ZNF385D: variants seen among roughly 807,000 people sequenced by gnomAD.
ZNF385D encodes zinc finger protein 385D.
A neutral mutation model predicts 35.8 loss-of-function variants in ZNF385D; 15 were observed. The ratio of observed to expected loss-of-function variants is 0.42; its 90% CI spans 0.28 to 0.64. The LOEUF is 0.64. Among genes scored for constraint, ZNF385D ranks in the 30% least tolerant of loss-of-function variants. ZNF385D has a pLI of 0.23. For missense variants in ZNF385D, 474 were observed against 494.6 expected (o/e 0.96, Z 0.39); for synonymous variants, 212 against 186.8 (o/e 1.13, Z -1.10).
chr3:21,460,193 A>G (rs568566228), intron 4 of ZNF385D, among the ~76,000 whole-genome samples: 26 of 152,084 alleles, frequency 1.7e-4, no homozygotes, highest in African/African-American at 5.3e-4. Flanking sequence ...TTTTCTTCTC[A>G]GTGCCAGAAA....
intron 3 of ZNF385D, among the ~76,000 whole-genome samples, chr3:21,946,095 T>A (rs1701768660): frequency 6.6e-6 from 1 of 152,184 alleles, no homozygotes; most frequent in South Asian, 2.1e-4. Context: ...CAAATGTATT[T>A]ATCTATTTCT....
intron 3 of ZNF385D, among the ~76,000 whole-genome samples, chr3:21,806,427 G>C (rs758132265): frequency 3.9e-5 from 6 of 151,908 alleles, no homozygotes; most frequent in African/African-American, 9.7e-5. Flanking sequence ...GGATGGTCTC[G>C]ATCTCCTGAC....
chr3:22,260,497 C>T (rs543006561), intron 2 of ZNF385D, among the ~76,000 whole-genome samples: 3 of 151,604 alleles, frequency 2.0e-5, no homozygotes, highest in Non-Finnish European at 4.4e-5. Flanking sequence ...ACATGTATCC[C>T]AGAACTTAAA....
chr3:21,807,017 C>T (rs1311362148), intron 3 of ZNF385D, among the ~76,000 whole-genome samples: 1 of 152,152 alleles, frequency 6.6e-6, no homozygotes, highest in African/African-American at 2.4e-5. Flanking sequence ...GAATCCAGTT[C>T]ATTTCATATT....
rs1426412627 is a variant in ZNF385D at position 22,123,950 on chromosome 3, C to T, written c.325+44867G>A. Among the ~76,000 whole-genome samples the T allele has an allele frequency of 7.6e-4, 78 of 103,188 alleles. 1 individual carries two copies. The East Asian group carries it at 0.021, about 27-fold the overall frequency. The allele number at this position is 103,188 out of a possible 152,430, so 67.7% of individuals were successfully genotyped here. A position where few individuals can be genotyped will look rare whatever the true frequency, so the allele number is the denominator to read the frequency against. On this transcript the variant is annotated intron_variant, in intron 3 of 5. Coordinates refer to the ZNF385D transcript ENST00000494108. Reference sequence around the variant, plus strand: ...TCTCTCTCTCTCTCTCTCTCTCTCTCTCTCTCTCTCTCTATATATATATAT... The same window carrying T: ...TCTCTCTCTCTCTCTCTCTCTCTCTTTCTCTCTCTCTCTATATATATATAT...
At chr3:21,926,769 G>T (rs185705617) in intron 3 of ZNF385D, among the ~76,000 whole-genome samples, 1 of 152,218 alleles carries the variant, frequency 6.6e-6, no homozygotes, top group Admixed American at 6.5e-5. Context: ...AACACCAAAA[G>T]CAATGGCAAC....
At chr3:21,841,537 T>C (rs17009747) in intron 3 of ZNF385D, among the ~76,000 whole-genome samples, 3,300 of 152,090 alleles carry the variant, frequency 0.022, 125 homozygotes, top group African/African-American at 0.076. Context: ...TGATAATAGC[T>C]CTTCGTTTTA....
At chr3:21,987,364 G>T (rs74844353) in intron 3 of ZNF385D, among the ~76,000 whole-genome samples, 1,988 of 107,764 alleles carry the variant, frequency 0.018, 18 homozygotes, top group South Asian at 0.037. Context: ...GGCAGGTCTG[G>T]TGGTGACAAA....
At chr3:21,710,074 G>A (rs1481046235) in intron 1 of ZNF385D, among the ~76,000 whole-genome samples, 4 of 152,146 alleles carry the variant, frequency 2.6e-5, no homozygotes, top group Admixed American at 6.5e-5. Flanking sequence ...TCAATTACAC[G>A]ACCTTTTAGA....
chr3:22,008,494 C>A (rs899179513), intron 3 of ZNF385D, among the ~76,000 whole-genome samples: 1 of 152,002 alleles, frequency 6.6e-6, no homozygotes, highest in Non-Finnish European at 1.5e-5. Flanking sequence ...GTAGCTGGGA[C>A]TACAGGCGCC....
chr3:22,041,739 A>T (rs776705810), intron 3 of ZNF385D, among the ~76,000 whole-genome samples: 1 of 152,118 alleles, frequency 6.6e-6, no homozygotes, highest in East Asian at 1.9e-4. Context: ...AAACTACATT[A>T]TAAGAGAGAT....
chr3:22,346,506 C>T lies in ZNF385D; in HGVS notation c.106+25944G>A, dbSNP rs561035832. Among the ~76,000 whole-genome samples the T allele has an allele frequency of 3.9e-5, 6 of 152,236 alleles. No homozygotes were observed. In the East Asian group the frequency reaches 1.2e-3, roughly 29 times the overall value. ...TTCATTTTATCCCAAGAACAACTTA[C>T]GAGTTTACAAATTATTATCCCATTA... On this transcript the variant is annotated intron_variant, in intron 2 of 5. Coordinates refer to the ZNF385D transcript ENST00000494108.
intron 3 of ZNF385D, among the ~76,000 whole-genome samples, chr3:21,529,335 A>T (rs2061863980): frequency 6.6e-6 from 1 of 152,182 alleles, no homozygotes; most frequent in African/African-American, 2.4e-5. Flanking sequence ...CTTCCTAAGG[A>T]GACTTGCAAA....
At chr3:22,192,486 A>G (rs1012893094) in intron 2 of ZNF385D, among the ~76,000 whole-genome samples, 2 of 152,140 alleles carry the variant, frequency 1.3e-5, no homozygotes, top group Non-Finnish European at 2.9e-5. Context: ...TCCTCAGGCT[A>G]GTTCACAAGA....
intron 3 of ZNF385D, among the ~76,000 whole-genome samples, chr3:21,940,179 A>G (rs1036619923): frequency 2.0e-5 from 3 of 151,980 alleles, no homozygotes; most frequent in African/African-American, 7.3e-5. Context: ...GTGTCTACTG[A>G]TATTTCTCTA....
chr3:21,494,321 A>T (rs750772166), intron 4 of ZNF385D, among the ~76,000 whole-genome samples: 2 of 152,188 alleles, frequency 1.3e-5, no homozygotes, highest in Non-Finnish European at 2.9e-5. Context: ...GGCACATTAG[A>T]GCCTTTTAAC....
intron 2 of ZNF385D, among the ~76,000 whole-genome samples, chr3:22,169,795 A>G (rs946684200): frequency 6.6e-6 from 1 of 152,126 alleles, no homozygotes; most frequent in Non-Finnish European, 1.5e-5. Flanking sequence ...CCTTAATATG[A>G]CATTTATTTC....
At chr3:22,368,923 C>T (rs1302398150) in intron 2 of ZNF385D, among the ~76,000 whole-genome samples, 2 of 152,128 alleles carry the variant, frequency 1.3e-5, no homozygotes, top group East Asian at 3.9e-4. Context: ...TAAATGATCT[C>T]CCGTGTGTCA....
At chr3:22,173,038 T>G (rs1048350500) in intron 2 of ZNF385D, among the ~76,000 whole-genome samples, 3 of 152,286 alleles carry the variant, frequency 2.0e-5, no homozygotes, top group Non-Finnish European at 2.9e-5. Context: ...ATAGCAAGAA[T>G]CCTTAATATG....
Sources: gnomAD v4.1 joint callset for allele counts (sites outside exome capture counted in the v4.1 genomes callset) on GRCh38, gnomAD v4.1.1 for gene constraint, MANE v1.5 for transcripts, NCBI Gene and HGNC (gene_info 2026-07-23, HGNC 2026-07-21) for gene names.